CHRM3: variants seen among roughly 807,000 people sequenced by gnomAD.
CHRM3 encodes muscarinic acetylcholine receptor M3.
Under a neutral mutation model 41.8 loss-of-function variants are expected in CHRM3, and 11 were observed. The observed-to-expected ratio is 0.26, with a 90% CI of 0.17 to 0.44. The LOEUF (loss-of-function observed/expected upper bound fraction) is 0.44. CHRM3 is among the 20% of genes least tolerant of loss of function. The probability of loss-of-function intolerance (pLI) is 1.00; values close to 1 mark genes in which losing one functional copy is unlikely to be tolerated. For missense variants in CHRM3, 571 were observed against 745.4 expected (o/e 0.77, Z 2.72); for synonymous variants, 297 against 301.4 (o/e 0.99, Z 0.15).
At chr1:239,847,348 T>C (rs1674351417) in intron 6 of CHRM3, among the ~76,000 whole-genome samples, 1 of 152,176 alleles carries the variant, frequency 6.6e-6, no homozygotes, top group Non-Finnish European at 1.5e-5. Flanking sequence ...TTATAGGCCA[T>C]AAGAATCTAT....
At position 239,615,931 on chromosome 1, in the gene CHRM3, G is replaced by A. The variant is rs530341620; in HGVS notation, c.-312-16293G>A. 1.4e-4 allele frequency among the ~76,000 whole-genome samples: 21 copies of A among 152,258 alleles called. No individual in the cohort carries two copies. The East Asian group carries it at 4.1e-3, about 29-fold the overall frequency. On this transcript the variant is annotated intron_variant, in intron 3 of 6. Transcript: ENST00000676153. ...TTTTGAACATGACTTTGAAATCAGA[G>A]CTCAGCGCCTTCCTTCTACTTCTTC...
chr1:239,495,035 AT>A (rs1037329516), intron 2 of CHRM3, among the ~76,000 whole-genome samples: 2 of 151,974 alleles, frequency 1.3e-5, no homozygotes, highest in Non-Finnish European at 2.9e-5. Flanking sequence ...ATTCTTTAAC[AT>A]TTTTCAGCAC....
At chr1:239,439,372 G>C (rs1373279313) in intron 1 of CHRM3, among the ~76,000 whole-genome samples, 1 of 152,092 alleles carries the variant, frequency 6.6e-6, no homozygotes, top group Non-Finnish European at 1.5e-5. Context: ...GGGAAAATGT[G>C]AATGCAATTG....
At chr1:239,489,141 T>C (rs1667390143) in intron 1 of CHRM3, among the ~76,000 whole-genome samples, 1 of 152,034 alleles carries the variant, frequency 6.6e-6, no homozygotes, top group African/African-American at 2.4e-5. Flanking sequence ...GGGCCAGGCG[T>C]GGTGGCTCAC....
rs182295477 is a variant in CHRM3, at chr1:239,828,716, C to A, written c.-20+1338C>A. ...GGTATGAGAGAAGGTCGGGAAGGCA[C>A]CTGGGAGCTAGAATATCAATGCAGA... On this transcript the variant is annotated intron_variant, in intron 6 of 6. Coordinates refer to ENST00000676153, the MANE Select transcript of CHRM3 (RefSeq NM_001375978.1). Among the ~76,000 whole-genome samples the A allele has an allele frequency of 5.3e-5, 8 of 152,056 alleles. No individual in the cohort carries two copies. In the East Asian group the frequency reaches 1.6e-3, roughly 30 times the overall value.
chr1:239,805,139 C>A (rs1468054446), intron 5 of CHRM3, among the ~76,000 whole-genome samples: 1 of 152,168 alleles, frequency 6.6e-6, no homozygotes, highest in Non-Finnish European at 1.5e-5. Context: ...CTATTTCACA[C>A]TTGGCATCTC....
chr1:239,441,469 T>C (rs1259127134), intron 1 of CHRM3, among the ~76,000 whole-genome samples: 1 of 152,214 alleles, frequency 6.6e-6, no homozygotes, highest in African/African-American at 2.4e-5. Context: ...AATTCCAATA[T>C]TTGTCTACAT....
intron 6 of CHRM3, among the ~76,000 whole-genome samples, chr1:239,863,411 T>C (rs1263722107): frequency 6.6e-6 from 1 of 152,162 alleles, no homozygotes; most frequent in Non-Finnish European, 1.5e-5. Flanking sequence ...TGTGGGCAGC[T>C]CAGACTCACA....
chr1:239,573,257 GT>G, intron 3 of CHRM3, among the ~76,000 whole-genome samples: 1 of 152,002 alleles, frequency 6.6e-6, no homozygotes, highest in Non-Finnish European at 1.5e-5. Context: ...TGCTATACCA[GT>G]TTGATATCCC....
intron 6 of CHRM3, among the ~76,000 whole-genome samples, chr1:239,874,304 T>TCTATATACACAGTATATAG (rs1558199173): frequency 5.6e-5 from 7 of 125,352 alleles, no homozygotes; most frequent in African/African-American, 2.1e-4. Context: ...TATATATATA[T>TCTATATACACAGTATATAG]ATATATATAT....
chr1:239,423,956 G>A (rs1256750926), intron 1 of CHRM3, among the ~76,000 whole-genome samples: 1 of 150,988 alleles, frequency 6.6e-6, no homozygotes, highest in Non-Finnish European at 1.5e-5. Flanking sequence ...TCGGGAGGCT[G>A]AGGCAGGAGA....
chr1:239,731,951 C>G (rs1249832343), intron 5 of CHRM3, among the ~76,000 whole-genome samples: 1 of 151,948 alleles, frequency 6.6e-6, no homozygotes, highest in Non-Finnish European at 1.5e-5. Context: ...TTCTGAATTA[C>G]AGAGAGTAAA....
chr1:239,793,903 C>A (rs927256993), intron 5 of CHRM3, among the ~76,000 whole-genome samples: 1 of 147,444 alleles, frequency 6.8e-6, no homozygotes, highest in Non-Finnish European at 1.5e-5. Flanking sequence ...GCCTCAACCT[C>A]CTGGGCTCAA....
At chr1:239,700,252 G>T (rs1386169675) in intron 5 of CHRM3, among the ~76,000 whole-genome samples, 1 of 152,106 alleles carries the variant, frequency 6.6e-6, no homozygotes, top group Non-Finnish European at 1.5e-5. Context: ...GCTTTCAAAA[G>T]GATCTTGGGG....
intron 4 of CHRM3, among the ~76,000 whole-genome samples, chr1:239,643,647 C>T (rs1200693708): frequency 1.3e-5 from 2 of 152,152 alleles, no homozygotes; most frequent in East Asian, 3.9e-4. Context: ...GTGGGAGTGA[C>T]CCGATTTTCC....
chr1:239,846,735 A>G (rs1558174862), intron 6 of CHRM3, among the ~76,000 whole-genome samples: 1 of 152,204 alleles, frequency 6.6e-6, no homozygotes, highest in Non-Finnish European at 1.5e-5. Flanking sequence ...CAGTGACTCA[A>G]TGAAACCAAA....
intron 5 of CHRM3, among the ~76,000 whole-genome samples, chr1:239,724,476 G>GT (rs1203318333): frequency 6.6e-6 from 1 of 151,824 alleles, no homozygotes; most frequent in East Asian, 1.9e-4. Context: ...TTTGTGCATT[G>GT]GAAGTTTACT....
chr1:239,528,947 A>AT (rs1329350313), intron 2 of CHRM3, among the ~76,000 whole-genome samples: 1 of 152,132 alleles, frequency 6.6e-6, no homozygotes, highest in South Asian at 2.1e-4. Context: ...TAAATAAAAT[A>AT]TTTTTTTCCA....
intron 4 of CHRM3, among the ~76,000 whole-genome samples, chr1:239,673,483 G>T (rs1321491214): frequency 6.6e-6 from 1 of 151,922 alleles, no homozygotes; most frequent in Admixed American, 6.6e-5. Context: ...TATTGTATAT[G>T]CTGGAAACTA....
Sources: allele counts gnomAD v4.1 joint callset (sites outside exome capture counted in the v4.1 genomes callset), GRCh38; gene constraint gnomAD v4.1.1; transcripts MANE v1.5; gene names NCBI Gene and HGNC (gene_info 2026-07-23, HGNC 2026-07-21).